MED13L: variants seen among roughly 807,000 people sequenced by gnomAD.
The protein encoded by MED13L is mediator complex subunit 13L.
Under a neutral mutation model 220.9 loss-of-function variants are expected in MED13L, and 7 were observed. That is an observed-to-expected ratio of 0.03 (90% confidence interval 0.02 to 0.06). MED13L has a LOEUF of 0.06. Among genes scored for constraint, MED13L ranks in the 10% least tolerant of loss-of-function variants. MED13L has a pLI of 1.00. For missense variants in MED13L, 1,965 were observed against 2,760.5 expected, an observed-to-expected ratio of 0.71 and a Z score of 6.46; for synonymous variants, 1,011 against 1,015.2, an observed-to-expected ratio of 1.00 and a Z score of 0.08.
chr12:116,083,287 C>T (rs776596298), intron 4 of MED13L, among the ~76,000 whole-genome samples: 2 of 151,584 alleles, frequency 1.3e-5, no homozygotes, highest in Non-Finnish European at 2.9e-5. Context: ...GCCTATAATC[C>T]CAGCTACTCA....
chr12:115,998,523 G>T (rs551677315), intron 14 of MED13L, among the ~76,000 whole-genome samples: 39 of 152,310 alleles, frequency 2.6e-4, no homozygotes, highest in African/African-American at 9.4e-4. Context: ...TGGGGCCTTG[G>T]TTCCTTCATC....
At chr12:116,237,324 G>C (rs924830666) in intron 2 of MED13L, 144 bp downstream of exon 2, 1 of 717,094 alleles carries the variant, frequency 1.4e-6, no homozygotes. Context: ...GAGGAAGAGG[G>C]GTGAGAATGT....
intron 1 of MED13L, 48 bp downstream of exon 1, chr12:116,277,012 C>CG (rs1873917212): frequency 2.4e-6 from 3 of 1,263,372 alleles, no homozygotes; most frequent in Non-Finnish European, 3.4e-6. Context: ...GGTCGGGGAC[C>CG]CCCCCCCTTC....
intron 2 of MED13L, among the ~76,000 whole-genome samples, chr12:116,149,199 T>C (rs1355663354): frequency 6.6e-6 from 1 of 152,232 alleles, no homozygotes; most frequent in Non-Finnish European, 1.5e-5. Context: ...CTAACTTCCC[T>C]CTTTCCTGAC....
chr12:116,176,834 T>C (rs975918645), intron 2 of MED13L, among the ~76,000 whole-genome samples: 3 of 133,482 alleles, frequency 2.2e-5, no homozygotes, highest in Non-Finnish European at 3.1e-5. Context: ...GTTAACTCAA[T>C]GGCTCTGACC....
At chr12:116,009,788 A>G (rs937149968) in intron 9 of MED13L, among the ~76,000 whole-genome samples, 4 of 152,174 alleles carry the variant, frequency 2.6e-5, no homozygotes, top group Non-Finnish European at 4.4e-5. Flanking sequence ...ATGCACCTGA[A>G]CCATCTAAGC....
chr12:116,201,877 A>AAGGGCAAGGTTAAAACAAGCT (rs1565925860), intron 2 of MED13L, among the ~76,000 whole-genome samples: 1 of 152,238 alleles, frequency 6.6e-6, no homozygotes, highest in African/African-American at 2.4e-5. Context: ...GAATTAGGTT[A>AAGGGCAAGGTTAAAACAAGCT]AGGGCAAGGT....
intron 2 of MED13L, among the ~76,000 whole-genome samples, chr12:116,171,355 T>C (rs1344286256): frequency 6.6e-6 from 1 of 152,230 alleles, no homozygotes; most frequent in Non-Finnish European, 1.5e-5. Flanking sequence ...AATGGATTTA[T>C]GCAGCCAGCT....
At chr12:116,022,342 T>C in intron 5 of MED13L, 114 bp downstream of exon 5, 1 of 1,268,938 alleles carries the variant, frequency 7.9e-7, no homozygotes, top group Non-Finnish European at 1.1e-6. Context: ...ACCCTTATGC[T>C]TAGCTTTAAA....
intron 2 of MED13L, among the ~76,000 whole-genome samples, chr12:116,170,117 T>G (rs774025309): frequency 2.0e-5 from 3 of 152,196 alleles, no homozygotes; most frequent in African/African-American, 2.4e-5. Context: ...CATTGGTCAT[T>G]TGGAAAATAC....
chr12:115,967,570 T>G (rs1253488455), intron 28 of MED13L, among the ~76,000 whole-genome samples: 1 of 152,214 alleles, frequency 6.6e-6, no homozygotes, highest in East Asian at 1.9e-4. Context: ...TCTTTGTTAA[T>G]GCATAAACTG....
intron 2 of MED13L, among the ~76,000 whole-genome samples, chr12:116,156,091 T>C (rs1280481854): frequency 1.3e-5 from 2 of 152,142 alleles, no homozygotes; most frequent in African/African-American, 4.8e-5. Context: ...TTTTACTTCA[T>C]GCTATTATCG....
chr12:116,065,745 G>C (rs1239420143), intron 4 of MED13L, among the ~76,000 whole-genome samples: 1 of 152,216 alleles, frequency 6.6e-6, no homozygotes, highest in Non-Finnish European at 1.5e-5. Context: ...TTTCTCTGAA[G>C]AGGGAATCAC....
chr12:116,274,364 C>A (rs1873636279), intron 1 of MED13L, among the ~76,000 whole-genome samples: 1 of 145,136 alleles, frequency 6.9e-6, no homozygotes, highest in Non-Finnish European at 1.5e-5. Context: ...TTCAATCTAA[C>A]TAATGAGAGT....
chr12:116,034,424 C>T (rs1244283857), intron 4 of MED13L, among the ~76,000 whole-genome samples: 2 of 152,106 alleles, frequency 1.3e-5, no homozygotes, highest in Non-Finnish European at 2.9e-5. Context: ...CTCTGATAGT[C>T]CAGCGAGGCA....
intron 2 of MED13L, among the ~76,000 whole-genome samples, chr12:116,156,889 CA>C (rs1878485190): frequency 6.6e-6 from 1 of 152,112 alleles, no homozygotes; most frequent in South Asian, 2.1e-4. Flanking sequence ...GAGTACAAGA[CA>C]GAAGCTGAAC....
chr12:116,116,230 C>CTAT (rs1874503289), intron 2 of MED13L, among the ~76,000 whole-genome samples: 1 of 152,126 alleles, frequency 6.6e-6, no homozygotes. Context: ...TCTCAGCCCC[C>CTAT]TATTCCCCAA....
chr12:116,145,697 A>ATTTAATTG (rs1877440573), intron 2 of MED13L, among the ~76,000 whole-genome samples: 1 of 146,960 alleles, frequency 6.8e-6, no homozygotes, highest in Admixed American at 6.8e-5. Flanking sequence ...TTATTTATTT[A>ATTTAATTG]TTTATTTTAA....
intron 4 of MED13L, among the ~76,000 whole-genome samples, chr12:116,064,373 G>T (rs993934071): frequency 6.6e-6 from 1 of 152,160 alleles, no homozygotes; most frequent in Non-Finnish European, 1.5e-5. Context: ...AGTATGTACA[G>T]ACGTACTTTT....
Sources: allele counts gnomAD v4.1 joint callset (sites outside exome capture counted in the v4.1 genomes callset), GRCh38; gene constraint gnomAD v4.1.1; transcripts MANE v1.5; gene names NCBI Gene and HGNC (gene_info 2026-07-23, HGNC 2026-07-21).